PRIM2: variants seen among roughly 807,000 people sequenced by gnomAD.
The protein encoded by PRIM2 is DNA primase subunit 2.
In PRIM2, 39 loss-of-function variants were observed where a neutral mutation model predicts 67.3. The ratio of observed to expected loss-of-function variants is 0.58; its 90% CI spans 0.45 to 0.76. The LOEUF (loss-of-function observed/expected upper bound fraction) is 0.76. Among genes scored for constraint, PRIM2 ranks in the 30% least tolerant of loss-of-function variants. The pLI is 0.00. For synonymous variants in PRIM2, 143 were observed against 198.7 expected (o/e 0.72, Z 2.36); for missense variants, 398 against 598.7 (o/e 0.66, Z 3.50).
intron 7 of PRIM2, among the ~76,000 whole-genome samples, chr6:57,406,352 G>C (rs1457261056): frequency 1.3e-5 from 2 of 152,156 alleles, no homozygotes; most frequent in African/African-American, 4.8e-5. Context: ...TTCACTGCTT[G>C]TCTGTTTAAT....
At position 57,585,399 on chromosome 6, in the gene PRIM2, C is replaced by T. The variant is rs1443087531; in HGVS notation, c.1021-15694C>T. ...AACTACTGTAATAGGGGAAGAGAGA[C>T]CTTAGTATAGAACAGGGTTCAATTC... is the stretch of plus-strand genomic sequence containing the variant. On this transcript the variant is annotated intron_variant, in intron 10 of 13. Transcript: ENST00000615550. Among the ~76,000 whole-genome samples the T allele has an allele frequency of 6.6e-5, 10 of 152,200 alleles. No individual in the cohort carries two copies. In the South Asian group the frequency reaches 1.7e-3, roughly 25 times the overall value.
intron 5 of PRIM2, among the ~76,000 whole-genome samples, chr6:57,337,637 A>T (rs1768303811): frequency 6.6e-6 from 1 of 152,226 alleles, no homozygotes; most frequent in African/African-American, 2.4e-5. Flanking sequence ...ATGAAGGCAG[A>T]AATAAAGATG....
chr6:57,429,883 ATC>A (rs1771760898), intron 7 of PRIM2, among the ~76,000 whole-genome samples: 2 of 152,240 alleles, frequency 1.3e-5, no homozygotes, highest in Admixed American at 6.5e-5. Flanking sequence ...TAATGTTGGT[ATC>A]TCATCACGGC....
chr6:57,263,131 C>A, the PRIM2 span, among the ~76,000 whole-genome samples: 15 of 152,246 alleles, frequency 9.9e-5, no homozygotes, highest in East Asian at 2.9e-3. Context: ...CATTTCCTAC[C>A]ATTTAGATAG....
chr6:57,367,560 T>G (rs1185039703), intron 5 of PRIM2, among the ~76,000 whole-genome samples: 1 of 152,226 alleles, frequency 6.6e-6, no homozygotes, highest in Non-Finnish European at 1.5e-5. Flanking sequence ...CCCATCTTAT[T>G]ATATCTCACA....
chr6:57,616,280 A>G (rs1392340168), intron 12 of PRIM2, among the ~76,000 whole-genome samples: 2 of 152,216 alleles, frequency 1.3e-5, no homozygotes, highest in Non-Finnish European at 2.9e-5. Context: ...CCACTACATT[A>G]TCCCTATTTT....
chr6:57,507,088 A>G (rs1774265537), intron 7 of PRIM2, among the ~76,000 whole-genome samples: 1 of 152,068 alleles, frequency 6.6e-6, no homozygotes, highest in South Asian at 2.1e-4. Flanking sequence ...TAATAGTCTC[A>G]TAAGTGAATG....
At chr6:57,394,221 G>A (rs575854303) in intron 7 of PRIM2, among the ~76,000 whole-genome samples, 37 of 152,100 alleles carry the variant, frequency 2.4e-4, no homozygotes, top group Admixed American at 2.0e-3. Flanking sequence ...ATTTTGATGG[G>A]ATTGCATTGA....
In PRIM2 at chr6:57,365,837, C is replaced by T. The variant is rs544689765; in HGVS notation, c.460-14064C>T. Among the ~76,000 whole-genome samples the T allele has an allele frequency of 3.0e-4, 46 of 151,298 alleles. 1 individual carries two copies. The highest frequency in any genetic ancestry group is 3.4e-3 in the Middle Eastern group (1 of 294). On this transcript the variant is annotated intron_variant, in intron 5 of 13. Coordinates refer to ENST00000615550, the MANE Select transcript of PRIM2 (RefSeq NM_000947.5). ...AGCTGGGCATGGTGGCGCGTTAGCA[C>T]GCCTGTAATCCCAGGCTATTTGGGA... is the stretch of plus-strand genomic sequence containing the variant.
At chr6:57,517,824 G>T (rs1774519077) in intron 8 of PRIM2, among the ~76,000 whole-genome samples, 1 of 152,054 alleles carries the variant, frequency 6.6e-6, no homozygotes, top group Non-Finnish European at 1.5e-5. Flanking sequence ...CTGTCCACCT[G>T]TGCAGGACTG....
chr6:57,439,984 A>C (rs1345724500), intron 7 of PRIM2, among the ~76,000 whole-genome samples: 2 of 152,156 alleles, frequency 1.3e-5, no homozygotes, highest in African/African-American at 4.8e-5. Flanking sequence ...TATGCATATA[A>C]ATAAATATTT....
At chr6:57,288,815 C>A in the PRIM2 span, among the ~76,000 whole-genome samples, 4 of 152,126 alleles carry the variant, frequency 2.6e-5, no homozygotes, top group East Asian at 1.9e-4. Context: ...ACGTCAAAGA[C>A]CAAAGGTAGA....
At position 57,473,881 on chromosome 6, in the gene PRIM2, C is replaced by T. The variant is rs1482329891; in HGVS notation, c.694-33506C>T. Among the ~76,000 whole-genome samples, 191 of 151,774 alleles carry T rather than the reference C, an allele frequency of 1.3e-3. 5 individuals carry two copies. The East Asian group carries it at 0.016, about 13-fold the overall frequency. On this transcript the variant is annotated intron_variant, in intron 7 of 13. Transcript: ENST00000615550. ...GCCAGAGACCTGCTTTTCAGTGGGG[C>T]TCTACTGTTTGTTTGTTTTTTTTTC...
At chr6:57,626,277 C>T (rs1336992126) in intron 12 of PRIM2, among the ~76,000 whole-genome samples, 17 of 152,182 alleles carry the variant, frequency 1.1e-4, no homozygotes, top group African/African-American at 4.1e-4. Context: ...AGAGTATTAG[C>T]AAGAGGGAGG....
chr6:57,333,324 T>C (rs530546238), intron 5 of PRIM2, among the ~76,000 whole-genome samples: 15 of 152,206 alleles, frequency 9.9e-5, no homozygotes, highest in Non-Finnish European at 1.6e-4. Flanking sequence ...GTTGGGAATA[T>C]TTTTTATTGG....
intron 7 of PRIM2, among the ~76,000 whole-genome samples, chr6:57,465,969 C>T (rs1312094600): frequency 1.3e-5 from 2 of 152,022 alleles, no homozygotes; most frequent in African/African-American, 4.8e-5. Flanking sequence ...TATCCCTCCC[C>T]CAGCTCCCCA....
chr6:57,233,821 A>C, the PRIM2 span, among the ~76,000 whole-genome samples: 1,159 of 152,062 alleles, frequency 7.6e-3, 22 homozygotes, highest in African/African-American at 0.027. Flanking sequence ...CAGCACAACT[A>C]ATTTTTAAAA....
intron 7 of PRIM2, among the ~76,000 whole-genome samples, chr6:57,484,137 A>C (rs1410247867): frequency 7.2e-5 from 11 of 152,196 alleles, no homozygotes; most frequent in Non-Finnish European, 1.3e-4. Context: ...AAATTTATTT[A>C]CTTTATTCTG....
rs1256436205 is a variant in PRIM2, at chr6:57,637,981, T to C, written c.1299+5780T>C. 1.1e-3 allele frequency among the ~76,000 whole-genome samples: 173 copies of C among 151,974 alleles called. 1 individual carries two copies. Among genetic ancestry groups the C allele is most frequent in the African/African-American group, 4.0e-3 (165 of 41,426 alleles). ...ATCAAGGTTGAAATGAAGGAAAAAA[T>C]GTTAAGGGCAGCCAGAGAGAAAGGT... On this transcript the variant is annotated intron_variant, in intron 13 of 13. Coordinates refer to ENST00000615550, the MANE Select transcript of PRIM2 (RefSeq NM_000947.5).
Sources: allele counts gnomAD v4.1 joint callset (sites outside exome capture counted in the v4.1 genomes callset), GRCh38; gene constraint gnomAD v4.1.1; transcripts MANE v1.5; gene names NCBI Gene and HGNC (gene_info 2026-07-23, HGNC 2026-07-21).